Variants in ATP9B observed in about 807,000 individuals in gnomAD.
ATP9B encodes probable phospholipid-transporting ATPase IIB.
In ATP9B, 110 loss-of-function variants were observed where a neutral mutation model predicts 146.1. That is an observed-to-expected ratio of 0.75 (90% CI 0.65 to 0.88). The LOEUF is 0.88. ATP9B is among the 40% of genes least tolerant of loss of function. The pLI, the probability that ATP9B is intolerant of heterozygous loss-of-function variation, is 0.00. For missense variants in ATP9B, 1,499 were observed against 1,496.4 expected (o/e 1.00, Z -0.03); for synonymous variants, 604 against 569.7 (o/e 1.06, Z -0.86).
intron 11 of ATP9B, among the ~76,000 whole-genome samples, chr18:79,219,556 A>C (rs2095658925): frequency 6.6e-6 from 1 of 152,122 alleles, no homozygotes; most frequent in Non-Finnish European, 1.5e-5. Flanking sequence ...AAAGAAAATC[A>C]TATAGAATTA....
intron 16 of ATP9B, 49 bp downstream of exon 16, chr18:79,329,351 T>C (rs755103976): frequency 1.4e-6 from 2 of 1,479,576 alleles, no homozygotes; most frequent in Non-Finnish European, 1.8e-6. Flanking sequence ...CATTTTGTTT[T>C]CACACCTTTT....
intron 13 of ATP9B, among the ~76,000 whole-genome samples, chr18:79,278,707 G>A (rs2096342133): frequency 6.6e-6 from 1 of 152,070 alleles, no homozygotes; most frequent in African/African-American, 2.4e-5. Flanking sequence ...TGAGGAACTT[G>A]GCCAAGAGAG....
rs73973080 is a variant in ATP9B at position 79,343,084 on chromosome 18, A to T, written c.2382+718A>T. Among the ~76,000 whole-genome samples the T allele has an allele frequency of 9.0e-3, 1,371 of 152,332 alleles. 24 individuals carry two copies. Among genetic ancestry groups the T allele is most frequent in the African/African-American group, 0.03 (1,253 of 41,576 alleles). On this transcript the variant is annotated intron_variant, in intron 20 of 29. Transcript: ENST00000426216. ...CATTCTGTGTCTGCGTCTGTTCTAAATGAATCGCTTGCACCTACAGAAGGA... is the reference window on the plus strand; with the variant it reads ...CATTCTGTGTCTGCGTCTGTTCTAATTGAATCGCTTGCACCTACAGAAGGA...
intron 17 of ATP9B, 61 bp downstream of exon 17, chr18:79,330,165 A>G: frequency 6.9e-7 from 1 of 1,449,188 alleles, no homozygotes. Context: ...TATGTGAGTG[A>G]CTCTCAGCCT....
chr18:79,341,213 C>T (rs112100468), intron 19 of ATP9B, among the ~76,000 whole-genome samples: 12 of 118,000 alleles, frequency 1.0e-4, no homozygotes, highest in South Asian at 3.0e-4. Flanking sequence ...GTGACCTTGT[C>T]GAAGTCTGCA....
At chr18:79,349,575 G>C (rs1052067304) in intron 25 of ATP9B, among the ~76,000 whole-genome samples, 1 of 152,162 alleles carries the variant, frequency 6.6e-6, no homozygotes, top group Non-Finnish European at 1.5e-5. Flanking sequence ...CGTTTCACTC[G>C]ACAGCTCCCT....
intron 11 of ATP9B, among the ~76,000 whole-genome samples, chr18:79,229,245 A>G (rs1438069170): frequency 6.6e-6 from 1 of 152,212 alleles, no homozygotes; most frequent in Admixed American, 6.5e-5. Flanking sequence ...ACCCCAACAA[A>G]AAGCAAATCA....
intron 8 of ATP9B, among the ~76,000 whole-genome samples, chr18:79,192,849 C>T (rs1208006105): frequency 6.6e-6 from 1 of 152,138 alleles, no homozygotes; most frequent in Non-Finnish European, 1.5e-5. Context: ...CCCCTGAATA[C>T]TTTGATACCC....
chr18:79,138,555 CT>C (rs1465731233), intron 5 of ATP9B, among the ~76,000 whole-genome samples: 2 of 152,126 alleles, frequency 1.3e-5, no homozygotes, highest in Non-Finnish European at 2.9e-5. Flanking sequence ...ATGAGTCTAC[CT>C]GCTTTTGCAG....
intron 4 of ATP9B, among the ~76,000 whole-genome samples, chr18:79,118,384 G>GTTTT (rs1304879263): frequency 0.011 from 778 of 73,436 alleles, 114 homozygotes; most frequent in African/African-American, 0.036. Flanking sequence ...CATATTGAAC[G>GTTTT]TTTTTGTTTT....
At chr18:79,089,331 A>G (rs1027911765) in intron 1 of ATP9B, among the ~76,000 whole-genome samples, 3 of 152,190 alleles carry the variant, frequency 2.0e-5, no homozygotes, top group Non-Finnish European at 4.4e-5. Context: ...ATAGCCTTCC[A>G]TTACACTTAA....
intron 15 of ATP9B, among the ~76,000 whole-genome samples, chr18:79,313,580 T>C (rs1422717655): frequency 6.6e-6 from 1 of 152,224 alleles, no homozygotes; most frequent in Non-Finnish European, 1.5e-5. Context: ...TATTACATAT[T>C]TACCATATTA....
At chr18:79,083,039 A>G (rs577479585) in intron 1 of ATP9B, among the ~76,000 whole-genome samples, 1 of 152,346 alleles carries the variant, frequency 6.6e-6, no homozygotes, top group South Asian at 2.1e-4. Flanking sequence ...TGTCACAGGA[A>G]GATGGGAGTT....
Position 79,084,537 on chromosome 18 carries a change from T to TA in ATP9B, c.120-11925dup, listed in dbSNP as rs11311887. Among the ~76,000 whole-genome samples the TA allele has an allele frequency of 9.0e-3, 1,232 of 137,212 alleles. 10 individuals carry two copies. The highest frequency in any genetic ancestry group is 0.023 in the African/African-American group (861 of 38,042). The allele number at this position is 137,212 out of a possible 152,430, so 90.0% of individuals were successfully genotyped here. On this transcript the variant is annotated intron_variant, in intron 1 of 29. Coordinates refer to ENST00000426216, the MANE Select transcript of ATP9B (RefSeq NM_198531.5). ...TGTGTGCTATATAATAGAGTAAAAGTAAAAAAAAAAAAAATGTAAGCGTAT... is the reference window on the plus strand; with the variant it reads ...TGTGTGCTATATAATAGAGTAAAAGTAAAAAAAAAAAAAAATGTAAGCGTAT...
intron 9 of ATP9B, among the ~76,000 whole-genome samples, chr18:79,198,331 A>T (rs2095435469): frequency 6.6e-6 from 1 of 152,224 alleles, no homozygotes; most frequent in South Asian, 2.1e-4. Context: ...TAGATACCGT[A>T]CCAACACTAA....
At chr18:79,365,599 C>A (rs1418112298) in intron 26 of ATP9B, among the ~76,000 whole-genome samples, 1 of 152,274 alleles carries the variant, frequency 6.6e-6, no homozygotes, top group Non-Finnish European at 1.5e-5. Flanking sequence ...CTGGAAACAA[C>A]CTTGTGCCCT....
intron 9 of ATP9B, among the ~76,000 whole-genome samples, chr18:79,196,697 G>A: frequency 6.6e-6 from 1 of 152,206 alleles, no homozygotes; most frequent in Non-Finnish European, 1.5e-5. Flanking sequence ...GGCTAAAGAT[G>A]CATAGTATGC....
chr18:79,372,681 T>TGAA, intron 26 of ATP9B, 144 bp from the exon 27 acceptor site: 1 of 713,908 alleles, frequency 1.4e-6, no homozygotes, highest in Non-Finnish European at 2.6e-6. Context: ...GCGCCCGAAA[T>TGAA]GCTGGTAGAC....
At chr18:79,122,919 G>A (rs1329977711) in intron 4 of ATP9B, among the ~76,000 whole-genome samples, 2 of 152,048 alleles carry the variant, frequency 1.3e-5, no homozygotes, top group Non-Finnish European at 2.9e-5. Context: ...CTATTATGGA[G>A]ACGTTTATCA....
Sources: gnomAD v4.1 joint callset for allele counts (sites outside exome capture counted in the v4.1 genomes callset) on GRCh38, gnomAD v4.1.1 for gene constraint, MANE v1.5 for transcripts, NCBI Gene and HGNC (gene_info 2026-07-23, HGNC 2026-07-21) for gene names.